Variants in ABCA13 observed in about 807,000 individuals in gnomAD.
ABCA13 encodes ATP binding cassette subfamily A member 13.
A neutral mutation model predicts 478.7 loss-of-function variants in ABCA13; 476 were observed. That is an observed-to-expected ratio of 0.99 (90% CI 0.92 to 1.07). ABCA13 has a LOEUF of 1.07. ABCA13 is among the 50% of genes least tolerant of loss of function. ABCA13 has a pLI of 0.00. For missense variants in ABCA13, 6,060 were observed against 5,910.6 expected (o/e 1.03, Z -0.83); for synonymous variants, 2,252 against 2,158.9 (o/e 1.04, Z -1.20).
intron 27 of ABCA13, among the ~76,000 whole-genome samples, chr7:48,325,464 CA>C (rs1804178188): frequency 6.6e-6 from 1 of 151,716 alleles, no homozygotes; most frequent in African/African-American, 2.4e-5. Flanking sequence ...TTTTCTTTTT[CA>C]AAAAATATCA....
chr7:48,279,695 A>G lies in ABCA13; in HGVS notation c.8501A>G (p.Asn2834Ser), dbSNP rs763539089. 6.2e-7 allele frequency: 1 copy of G among 1,613,602 alleles called. No individual in the cohort carries two copies. The highest frequency in any genetic ancestry group is 1.7e-5 in the Admixed American group (1 of 60,004). Reference protein sequence around the residue: ...ALWRKGLLFNNSEWITSTRTL... With the variant: ...ALWRKGLLFNSSEWITSTRTL... ...TGGAGGAAAGGACTTCTGTTTAACAACTCTGAATGGATAACTTCCACAAGA... is the reference window on the plus strand; with the variant it reads ...TGGAGGAAAGGACTTCTGTTTAACAGCTCTGAATGGATAACTTCCACAAGA... Residue 2834 changes from asparagine to serine, a missense_variant, in exon 18 of 62, where the codon AAC (asparagine) becomes AGC (serine). Asn to Ser is a conservative substitution (Grantham distance 46). This residue lies in a region of ABCA13 where 4,423 missense variants were observed against 4,309.1 expected (regional missense o/e 1.03). Coordinates refer to ENST00000435803, the MANE Select transcript of ABCA13 (RefSeq NM_152701.5).
At chr7:48,454,778 C>G (rs1219883643) in intron 42 of ABCA13, among the ~76,000 whole-genome samples, 2 of 152,188 alleles carry the variant, frequency 1.3e-5, no homozygotes, top group Non-Finnish European at 2.9e-5. Context: ...CCGCTCTAAG[C>G]GCAGCGGAGC....
At chr7:48,183,722 G>C (rs1051062972) in intron 1 of ABCA13, among the ~76,000 whole-genome samples, 3 of 152,148 alleles carry the variant, frequency 2.0e-5, no homozygotes, top group Non-Finnish European at 2.9e-5. Context: ...GCCTGACGTG[G>C]TACACAATTC....
Position 48,234,165 on chromosome 7 carries a change from A to C in ABCA13, c.897+14A>C. ...GAACTGAAGGAGGTACACATGCTTG[A>C]CTGCTTCTCACACCGCTGGGCCTTT... is the stretch of plus-strand genomic sequence containing the variant. On this transcript the variant is annotated intron_variant, in intron 8 of 61. Coordinates refer to ENST00000435803, the MANE Select transcript of ABCA13 (RefSeq NM_152701.5). 6.2e-7 allele frequency: 1 copy of C among 1,613,774 alleles called. No homozygotes were observed.
At chr7:48,374,615 A>G (rs1332681676) in intron 34 of ABCA13, among the ~76,000 whole-genome samples, 199 bp downstream of exon 34, 1 of 152,236 alleles carries the variant, frequency 6.6e-6, no homozygotes, top group African/African-American at 2.4e-5. Context: ...AAGAATAATC[A>G]TGGCATCCCT....
intron 59 of ABCA13, among the ~76,000 whole-genome samples, chr7:48,626,048 T>C (rs1379167624): frequency 1.3e-5 from 2 of 152,208 alleles, no homozygotes; most frequent in Non-Finnish European, 2.9e-5. Flanking sequence ...TCTAAGAGAC[T>C]GGTGAACGAA....
chr7:48,417,760 T>C (rs920898618), intron 41 of ABCA13, among the ~76,000 whole-genome samples: 1 of 152,156 alleles, frequency 6.6e-6, no homozygotes, highest in Non-Finnish European at 1.5e-5. Context: ...TATAATTCCA[T>C]GTATCTGCCA....
At chr7:48,448,874 G>C (rs187790177) in intron 42 of ABCA13, among the ~76,000 whole-genome samples, 1 of 152,136 alleles carries the variant, frequency 6.6e-6, no homozygotes, top group Non-Finnish European at 1.5e-5. Context: ...ACAGAGTCTT[G>C]CTCTGTCTCC....
intron 55 of ABCA13, among the ~76,000 whole-genome samples, chr7:48,576,566 T>C (rs1218177057): frequency 1.3e-5 from 2 of 152,168 alleles, no homozygotes; most frequent in African/African-American, 4.8e-5. Context: ...AATGCCCAGC[T>C]CAGGCTCTAG....
chr7:48,291,907 T>G (rs1798594633), intron 20 of ABCA13, among the ~76,000 whole-genome samples: 1 of 152,078 alleles, frequency 6.6e-6, no homozygotes, highest in African/African-American at 2.4e-5. Flanking sequence ...CCCGGCACTT[T>G]CCCTGGGCTC....
rs1490323830 is a variant in ABCA13 at position 48,645,565 on chromosome 7, C to A, written c.*53C>A. ...AAACCTTGTCTTCCATTACAATTAA[C>A]AGTCAAGGATAAAACAAGCACGCGC... On this transcript the variant is annotated 3_prime_UTR_variant, in exon 62 of 62. Transcript: ENST00000435803. 6 of 1,442,956 alleles carry A rather than the reference C, an allele frequency of 4.2e-6. No individual in the cohort carries two copies. The highest frequency in any genetic ancestry group is 5.7e-6 in the Non-Finnish European group (6 of 1,050,650). The allele number at this position is 1,442,956 out of a possible 1,614,324, so 89.4% of individuals were successfully genotyped here.
chr7:48,340,483 T>C (rs1806982068), intron 29 of ABCA13, among the ~76,000 whole-genome samples: 1 of 152,178 alleles, frequency 6.6e-6, no homozygotes, highest in African/African-American at 2.4e-5. Context: ...CATTAGAAAA[T>C]ACAAATAAGC....
At chr7:48,629,574 G>GTA (rs1793976895) in intron 59 of ABCA13, among the ~76,000 whole-genome samples, 1 of 26,730 alleles carries the variant, frequency 3.7e-5, no homozygotes, top group African/African-American at 1.5e-4. Flanking sequence ...TTACATTTTG[G>GTA]CAAAAAAAAA....
intron 42 of ABCA13, among the ~76,000 whole-genome samples, chr7:48,433,281 A>C (rs1167805084): frequency 1.3e-5 from 2 of 151,814 alleles, no homozygotes; most frequent in Non-Finnish European, 2.9e-5. Context: ...TCTTTGGTAG[A>C]TTTGCACTAT....
At chr7:48,315,553 C>T (rs920557089) in intron 26 of ABCA13, among the ~76,000 whole-genome samples, 2 of 151,442 alleles carry the variant, frequency 1.3e-5, no homozygotes, top group Non-Finnish European at 1.5e-5. Flanking sequence ...GATCTCGGCT[C>T]ACCACAAGCT....
chr7:48,305,249 T>A (rs1800726016), intron 23 of ABCA13, among the ~76,000 whole-genome samples: 1 of 152,186 alleles, frequency 6.6e-6, no homozygotes, highest in South Asian at 2.1e-4. Flanking sequence ...TTTCAGGAAG[T>A]CAGACGGTAA....
intron 48 of ABCA13, among the ~76,000 whole-genome samples, chr7:48,505,639 C>T (rs1022218042): frequency 2.0e-5 from 3 of 152,212 alleles, no homozygotes; most frequent in Admixed American, 2.0e-4. Context: ...TCTGATTACT[C>T]TCACAGTCCA....
chr7:48,475,021 T>C (rs1827929066), intron 45 of ABCA13, among the ~76,000 whole-genome samples: 1 of 152,240 alleles, frequency 6.6e-6, no homozygotes. Context: ...AGCAGGTATC[T>C]TTGCCACAGC....
At chr7:48,477,907 A>G (rs1828314560) in intron 45 of ABCA13, among the ~76,000 whole-genome samples, 1 of 152,102 alleles carries the variant, frequency 6.6e-6, no homozygotes, top group Non-Finnish European at 1.5e-5. Context: ...AAAAAAAAGA[A>G]TGAGACCAAG....
Sources: allele counts gnomAD v4.1 joint callset (sites outside exome capture counted in the v4.1 genomes callset), GRCh38; gene constraint gnomAD v4.1.1; regional missense constraint gnomAD v4.1.1; transcripts MANE v1.5; gene names NCBI Gene and HGNC (gene_info 2026-07-23, HGNC 2026-07-21).